Variants in LUZP2 observed in about 807,000 individuals in gnomAD.
LUZP2 encodes leucine zipper protein 2.
Under a neutral mutation model 51.6 loss-of-function variants are expected in LUZP2, and 52 were observed. That is an observed-to-expected ratio of 1.01 (90% CI 0.81 to 1.27). LUZP2 has a LOEUF of 1.27. Ranked by LOEUF, LUZP2 falls within the 50% of genes most tolerant of loss-of-function variation. The pLI is 0.00. For synonymous variants in LUZP2, 154 were observed against 137.3 expected, an observed-to-expected ratio of 1.12 and a Z score of -0.85; for missense variants, 436 against 395.4, an observed-to-expected ratio of 1.10 and a Z score of -0.87.
chr11:24,693,430 A>T (rs966681063), intron 1 of LUZP2, among the ~76,000 whole-genome samples: 3 of 151,758 alleles, frequency 2.0e-5, no homozygotes, highest in Non-Finnish European at 4.4e-5. Flanking sequence ...ATGATTTAAG[A>T]GATTGAGTTA....
At chr11:24,567,120 C>T (rs1224713122) in intron 1 of LUZP2, among the ~76,000 whole-genome samples, 1 of 149,788 alleles carries the variant, frequency 6.7e-6, no homozygotes, top group Non-Finnish European at 1.5e-5. Flanking sequence ...GGATAACAGG[C>T]GTGAGCCACT....
intron 9 of LUZP2, among the ~76,000 whole-genome samples, chr11:25,002,048 A>C (rs1004789120): frequency 2.6e-5 from 4 of 152,208 alleles, no homozygotes; most frequent in Admixed American, 6.6e-5. Flanking sequence ...AGAGGTTAGG[A>C]ACTCCCTTTC....
chr11:24,663,607 G>C (rs143671482), intron 1 of LUZP2, among the ~76,000 whole-genome samples: 19 of 152,120 alleles, frequency 1.2e-4, no homozygotes, highest in African/African-American at 4.3e-4. Context: ...TCAAATCTTT[G>C]TAATATCTAA....
At chr11:24,978,091 C>A (rs1425268615) in intron 8 of LUZP2, among the ~76,000 whole-genome samples, 1 of 151,486 alleles carries the variant, frequency 6.6e-6, no homozygotes, top group Non-Finnish European at 1.5e-5. Context: ...TACCTTCTAA[C>A]CATCAGTTTG....
At chr11:24,842,708 A>G (rs1183838235) in intron 5 of LUZP2, among the ~76,000 whole-genome samples, 6 of 152,034 alleles carry the variant, frequency 3.9e-5, no homozygotes, top group African/African-American at 1.4e-4. Context: ...TAAAAATTTT[A>G]ATTACCTAAA....
intron 1 of LUZP2, among the ~76,000 whole-genome samples, chr11:24,524,556 A>AT (rs1301294351): frequency 6.6e-6 from 1 of 151,676 alleles, no homozygotes; most frequent in Non-Finnish European, 1.5e-5. Context: ...AACCATAGAA[A>AT]TTTTTACTAA....
At chr11:24,856,182 A>G (rs972559663) in intron 5 of LUZP2, among the ~76,000 whole-genome samples, 1 of 152,132 alleles carries the variant, frequency 6.6e-6, no homozygotes, top group Non-Finnish European at 1.5e-5. Flanking sequence ...AATGAAAGAA[A>G]ATATTTGCAA....
intron 5 of LUZP2, chr11:24,893,379 A>G (rs945832410): frequency 1.3e-5 from 2 of 152,176 alleles, no homozygotes; most frequent in African/African-American, 4.8e-5. Context: ...AAAAGTAGCA[A>G]AACTCAGTGC....
At chr11:24,615,292 C>T (rs1020244979) in intron 1 of LUZP2, among the ~76,000 whole-genome samples, 1 of 151,664 alleles carries the variant, frequency 6.6e-6, no homozygotes, top group Non-Finnish European at 1.5e-5. Context: ...TTTTTATAGC[C>T]ATACCACTTA....
At chr11:24,656,653 A>C (rs1164277923) in intron 1 of LUZP2, among the ~76,000 whole-genome samples, 1 of 152,168 alleles carries the variant, frequency 6.6e-6, no homozygotes, top group Non-Finnish European at 1.5e-5. Flanking sequence ...TTGTAGAACT[A>C]TGGTCCTTGT....
chr11:24,960,988 C>T (rs1224543281), intron 7 of LUZP2, among the ~76,000 whole-genome samples: 1 of 152,072 alleles, frequency 6.6e-6, no homozygotes, highest in East Asian at 1.9e-4. Context: ...TTATTTCTGC[C>T]TTCATTTCGT....
intron 9 of LUZP2, among the ~76,000 whole-genome samples, chr11:25,007,621 A>G (rs1856869700): frequency 6.6e-6 from 1 of 152,062 alleles, no homozygotes; most frequent in African/African-American, 2.4e-5. Flanking sequence ...AAAACAAAAC[A>G]AAACAAAACA....
At chr11:24,893,341 A>G (rs1056830168) in intron 5 of LUZP2, 3 of 152,174 alleles carry the variant, frequency 2.0e-5, no homozygotes, top group Non-Finnish European at 4.4e-5. Flanking sequence ...AAACAGCAAA[A>G]AAAAAATCAA....
intron 7 of LUZP2, among the ~76,000 whole-genome samples, chr11:24,949,030 A>G (rs1399880337): frequency 6.6e-6 from 1 of 151,604 alleles, no homozygotes; most frequent in African/African-American, 2.4e-5. Context: ...AATTAAAACT[A>G]AAAGAAAAAC....
intron 5 of LUZP2, among the ~76,000 whole-genome samples, chr11:24,884,449 T>C (rs1202029524): frequency 6.6e-6 from 1 of 152,008 alleles, no homozygotes; most frequent in Admixed American, 6.6e-5. Context: ...CAGACATACA[T>C]TCGACACCTA....
At chr11:24,898,303 G>T (rs1055627446) in intron 5 of LUZP2, among the ~76,000 whole-genome samples, 1 of 152,026 alleles carries the variant, frequency 6.6e-6, no homozygotes, top group Non-Finnish European at 1.5e-5. Context: ...AGGTAATCTG[G>T]CCAAATAGCA....
At chr11:24,928,848 G>A (rs547144613) in intron 7 of LUZP2, among the ~76,000 whole-genome samples, 2 of 151,940 alleles carry the variant, frequency 1.3e-5, no homozygotes, top group African/African-American at 4.8e-5. Context: ...CTGTGAATCT[G>A]TCTGATCCTG....
chr11:24,894,099 T>C (rs1852943796), intron 5 of LUZP2, among the ~76,000 whole-genome samples: 1 of 152,126 alleles, frequency 6.6e-6, no homozygotes, highest in Admixed American at 6.6e-5. Flanking sequence ...CACAGAGAAG[T>C]CAATGAATAT....
intron 5 of LUZP2, among the ~76,000 whole-genome samples, chr11:24,768,545 C>T (rs192609962): frequency 1.9e-3 from 288 of 152,258 alleles, no homozygotes; most frequent in Non-Finnish European, 3.1e-3. Flanking sequence ...ATGTAAGAAA[C>T]TCAAGCAATT....
Sources: allele counts gnomAD v4.1 joint callset (sites outside exome capture counted in the v4.1 genomes callset), GRCh38; gene constraint gnomAD v4.1.1; transcripts MANE v1.5; gene names NCBI Gene and HGNC (gene_info 2026-07-23, HGNC 2026-07-21).